Variants in SLC4A3 observed in about 807,000 individuals in gnomAD.
SLC4A3 encodes solute carrier family 4 member 3.
SLC4A3 carries 47 observed loss-of-function variants against 114.2 expected under a neutral mutation model. The observed-to-expected ratio is 0.41, with a 90% confidence interval of 0.33 to 0.52. The LOEUF (loss-of-function observed/expected upper bound fraction) is 0.52, where lower values mean the gene tolerates loss of function less well. Ranked by LOEUF, SLC4A3 falls within the 20% of genes least tolerant of loss-of-function variation. SLC4A3 has a pLI of 0.21. For synonymous variants in SLC4A3, 693 were observed against 710.3 expected (o/e 0.98, Z 0.39); for missense variants, 1,312 against 1,668.3 (o/e 0.79, Z 3.72).
Position 219,630,450 on chromosome 2 carries a change from C to A in SLC4A3, c.811+98C>A. On this transcript the variant is annotated intron_variant, in intron 6 of 22. Transcript: ENST00000358055. This position sits in a 1 kb window ranked among gnomAD's most constrained non-coding sequence, Gnocchi z 6.9. ...GCTCTGAGCTGTCCCCTGCTAAGGG[C>A]TGAGTCCTCTCTGAATCCCTGTCTG... 1.6e-6 allele frequency: 2 copies of A among 1,269,274 alleles called. No individual in the cohort carries two copies. The highest frequency in any genetic ancestry group is 2.1e-6 in the Non-Finnish European group (2 of 931,712). 78.6% of individuals were successfully genotyped at this position (1,269,274 alleles called of 1,614,324 possible).
Position 219,636,259 on chromosome 2 carries a change from TAGAC to T in SLC4A3, c.2192-39_2192-36del, listed in dbSNP as rs754821207. ...CAAGCTAGATGAAGAAGGGGGCAGA[TAGAC>T]AGAGCCAGGCTAGGGCCATCCTACC... is the stretch of plus-strand genomic sequence containing the variant. On this transcript the variant is annotated intron_variant, in intron 14 of 22. Transcript: ENST00000358055. This position sits in a 1 kb window ranked among gnomAD's most constrained non-coding sequence, Gnocchi z 5.5. 6.8e-6 allele frequency: 11 copies of T among 1,609,578 alleles called. No individual in the cohort carries two copies. The highest frequency in any genetic ancestry group is 4.4e-5 in the South Asian group (4 of 91,030).
In SLC4A3 at chr2:219,636,420, G is replaced by A. The variant is rs201422509; in HGVS notation, c.2310G>A (p.Pro770=). ...TGCTTGTGGTTGGCTTCTCTGGGCC[G>A]CTGCTTGTGTTTGAGGAAGCCTTCT... The part of the protein sequence containing the change: ...QPLLVVGFSG[P]LLVFEEAFFK... Residue 770 remains proline, a synonymous_variant, in exon 15 of 23, where the codon CCG becomes CCA. Transcript: ENST00000358055. The surrounding 1 kb of genome is among the most constrained non-coding windows in gnomAD (Gnocchi z 5.5). The A allele has an allele frequency of 4.7e-5, 76 of 1,611,750 alleles. No homozygotes were observed. The highest frequency in any genetic ancestry group is 5.9e-5 in the Non-Finnish European group (69 of 1,179,016).
At position 219,632,954 on chromosome 2, in the gene SLC4A3, C is replaced by G. The variant is rs1698980774; in HGVS notation, c.1222C>G (p.Gln408Glu). The change falls in exon 9 of 23, where the codon CAG becomes GAG. Residue 408 changes from glutamine (Q) to glutamate (E), a missense_variant. Physicochemically the swap from Gln to Glu is conservative, Grantham distance 29. This residue lies in a region of SLC4A3 where 771 missense variants were observed against 977.7 expected (regional missense o/e 0.79). Transcript: ENST00000358055. ...GGTGGAGACCATGATTGTGTCTGAC[C>G]AGATCCGGCCGGAGGACAGGGCCAG... ...LVVETMIVSD[Q>E]IRPEDRASVL... 1 of 1,613,960 alleles carries G rather than the reference C, an allele frequency of 6.2e-7. No homozygotes were observed. Among genetic ancestry groups the G allele is most frequent in the African/African-American group, 1.3e-5 (1 of 74,900 alleles).
Position 219,641,167 on chromosome 2 carries a change from T to A in SLC4A3, c.3621+205T>A, listed in dbSNP as rs1045191322. ...TTATAGGACTGTTGGGAGGGTCAAGTGCTAGTCCAGGTAAAGGCCTTAGGA... is the reference window on the plus strand; with the variant it reads ...TTATAGGACTGTTGGGAGGGTCAAGAGCTAGTCCAGGTAAAGGCCTTAGGA... On this transcript the variant is annotated intron_variant, in intron 22 of 22. Coordinates refer to ENST00000358055, the MANE Select transcript of SLC4A3 (RefSeq NM_005070.4). The surrounding 1 kb of genome is among the most constrained non-coding windows in gnomAD (Gnocchi z 4.0). Among the ~76,000 whole-genome samples, 4 of 152,146 alleles carry A rather than the reference T, an allele frequency of 2.6e-5. No homozygotes were observed. Among genetic ancestry groups the A allele is most frequent in the African/African-American group, 7.2e-5 (3 of 41,404 alleles).
chr2:219,632,268 G>C lies in SLC4A3; in HGVS notation c.967G>C (p.Val323Leu). 1 of 1,613,986 alleles carries C rather than the reference G, an allele frequency of 6.2e-7. No individual in the cohort carries two copies. Among genetic ancestry groups the C allele is most frequent in the Non-Finnish European group, 8.5e-7 (1 of 1,180,012 alleles). ...KLDRRPHEVF[V>L]ELNELMLDRS... ...CCTTTGGCACGCCCCCCAGGTGTTC[G>C]TGGAGCTGAACGAGCTGATGCTGGA... The change falls in exon 8 of 23, where the codon GTG (valine) becomes CTG (leucine). Residue 323 changes from valine (V) to leucine (L), a missense_variant. Transcript: ENST00000358055.
chr2:219,638,340 G>A lies in SLC4A3; in HGVS notation c.2856+87G>A. 9.0e-7 allele frequency: 1 copy of A among 1,106,968 alleles called. No homozygotes were observed. Among genetic ancestry groups the A allele is most frequent in the Non-Finnish European group, 1.3e-6 (1 of 747,078 alleles). 68.6% of individuals were successfully genotyped at this position (1,106,968 alleles called of 1,614,324 possible). On this transcript the variant is annotated intron_variant, in intron 18 of 22. Transcript: ENST00000358055. The surrounding 1 kb of genome is among the most constrained non-coding windows in gnomAD (Gnocchi z 7.5). The stretch of plus-strand genomic sequence containing the variant: ...ACACACTTCCATGGGCCCTGGGATT[G>A]GGATCAGGCCTGAACTCAACTTTCC...
chr2:219,633,917 G>A lies in SLC4A3; in HGVS notation c.1499G>A (p.Gly500Glu), dbSNP rs1379287130. ...LHMPGGDGHR[G>E]KSLKLLEKIP... The stretch of plus-strand genomic sequence containing the variant: ...ATGCCTGGGGGAGATGGTCACCGGG[G>A]GAAAAGCCTGAAGCTGCTGGAGAAG... Residue 500 changes from glycine (G) to glutamate (E), a missense_variant, in exon 11 of 23, where the codon GGG (glycine) becomes GAG (glutamate). By Grantham distance (98) the Gly-to-Glu change is moderately conservative (BLOSUM62 -2). Coordinates refer to ENST00000358055, the MANE Select transcript of SLC4A3 (RefSeq NM_005070.4). The A allele has an allele frequency of 1.9e-6, 3 of 1,561,754 alleles. No individual in the cohort carries two copies. Among genetic ancestry groups the A allele is most frequent in the South Asian group, 1.2e-5 (1 of 84,758 alleles).
rs1424074489 is a variant in SLC4A3, at chr2:219,637,894, C to T, written c.2766+83C>T. 3.4e-6 allele frequency: 4 copies of T among 1,159,440 alleles called. No individual in the cohort carries two copies. The highest frequency in any genetic ancestry group is 1.8e-5 in the Admixed American group (1 of 54,882). 71.8% of individuals were successfully genotyped at this position (1,159,440 alleles called of 1,614,324 possible). On this transcript the variant is annotated intron_variant, in intron 17 of 22. Coordinates refer to ENST00000358055, the MANE Select transcript of SLC4A3 (RefSeq NM_005070.4). The surrounding 1 kb of genome is among the most constrained non-coding windows in gnomAD (Gnocchi z 4.6). Reference sequence around the variant, plus strand: ...TCCCCAGAGAGGCTGCACCCCTTCCCCGGTCAGCCCATGGACCAAAACCCA... The same window carrying T: ...TCCCCAGAGAGGCTGCACCCCTTCCTCGGTCAGCCCATGGACCAAAACCCA...
rs1698812629 is a variant in SLC4A3 at position 219,628,776 on chromosome 2, A to C, written c.217+206A>C. On this transcript the variant is annotated intron_variant, in intron 3 of 22. Coordinates refer to ENST00000358055, the MANE Select transcript of SLC4A3 (RefSeq NM_005070.4). The surrounding 1 kb of genome is among the most constrained non-coding windows in gnomAD (Gnocchi z 4.8). ...CCGCCTGCCTGGGGAGGTGGGCCCCAGACCAGGGGAGATCTAGGGAGCTGG... is the reference window on the plus strand; with the variant it reads ...CCGCCTGCCTGGGGAGGTGGGCCCCCGACCAGGGGAGATCTAGGGAGCTGG... 1.6e-6 allele frequency: 1 copy of C among 632,534 alleles called. No individual in the cohort carries two copies. The highest frequency in any genetic ancestry group is 2.7e-6 in the Non-Finnish European group (1 of 372,040). 39.2% of individuals were successfully genotyped at this position (632,534 alleles called of 1,614,324 possible).
Position 219,638,140 on chromosome 2 carries a change from C to A in SLC4A3, c.2767-24C>A. On this transcript the variant is annotated intron_variant, in intron 17 of 22. Transcript: ENST00000358055. The surrounding 1 kb of genome is among the most constrained non-coding windows in gnomAD (Gnocchi z 7.5). ...TGACCTTGCCTCCACCTTTTGCTCC[C>A]TTCCCCAACTGGCCCCTCTCAAGGC... 2 of 1,589,744 alleles carry A rather than the reference C, an allele frequency of 1.3e-6. No homozygotes were observed. The highest frequency in any genetic ancestry group is 2.3e-5 in the East Asian group (1 of 44,200).
chr2:219,638,773 G>T lies in SLC4A3; in HGVS notation c.2927G>T (p.Gly976Val). ...CGCTCGTGGTTCATCCCACCCCTGGGCAGTGCCCGTCCTTTCCCGCCGTGG... is the reference window on the plus strand; with the variant it reads ...CGCTCGTGGTTCATCCCACCCCTGGTCAGTGCCCGTCCTTTCCCGCCGTGG... ...DKRSWFIPPL[G>V]SARPFPPWMM... The change falls in exon 19 of 23, where the codon GGC (glycine) becomes GTC (valine). Residue 976 changes from glycine (G) to valine (V), a missense_variant. Transcript: ENST00000358055. The surrounding 1 kb of genome is among the most constrained non-coding windows in gnomAD (Gnocchi z 7.5). The T allele has an allele frequency of 6.2e-7, 1 of 1,614,150 alleles. No homozygotes were observed. Among genetic ancestry groups the T allele is most frequent in the South Asian group, 1.1e-5 (1 of 91,088 alleles).
In SLC4A3 at chr2:219,638,305, G is replaced by A. The variant is rs1043213744; in HGVS notation, c.2856+52G>A. 1 of 1,389,626 alleles carries A rather than the reference G, an allele frequency of 7.2e-7. No homozygotes were observed. The highest frequency in any genetic ancestry group is 1.4e-5 in the African/African-American group (1 of 70,260). The allele number at this position is 1,389,626 out of a possible 1,614,324, so 86.1% of individuals were successfully genotyped here. A position where few individuals can be genotyped will look rare whatever the true frequency, so the allele number is the denominator to read the frequency against. ...TGCTGTCACCCCCAGGCCAGGAGAG[G>A]GAGCCCACAACACACTTCCATGGGC... On this transcript the variant is annotated intron_variant, in intron 18 of 22. Coordinates refer to ENST00000358055, the MANE Select transcript of SLC4A3 (RefSeq NM_005070.4). This position sits in a 1 kb window ranked among gnomAD's most constrained non-coding sequence, Gnocchi z 7.5.
At position 219,634,287 on chromosome 2, in the gene SLC4A3, C is replaced by T. The variant is rs889653214; in HGVS notation, c.1562-133C>T. 5.3e-5 allele frequency: 44 copies of T among 834,088 alleles called. No homozygotes were observed. In the Admixed American group the frequency reaches 1.0e-3, roughly 20 times the overall value. 51.7% of individuals were successfully genotyped at this position (834,088 alleles called of 1,614,324 possible). A position where few individuals can be genotyped will look rare whatever the true frequency, so the allele number is the denominator to read the frequency against. ...TGTGTAGACACATAAGCGAATAGTG[C>T]CCTTTTAGACTGGGGTTTCTTTGCG... On this transcript the variant is annotated intron_variant, in intron 11 of 22. Transcript: ENST00000358055.
rs567907725 is a variant in SLC4A3, at chr2:219,632,518, C to T, written c.1141+76C>T. The T allele has an allele frequency of 3.5e-6, 5 of 1,434,688 alleles. No individual in the cohort carries two copies. In the African/African-American group the frequency reaches 7.1e-5, roughly 20 times the overall value. 88.9% of individuals were successfully genotyped at this position (1,434,688 alleles called of 1,614,324 possible). On this transcript the variant is annotated intron_variant, in intron 8 of 22. Transcript: ENST00000358055. ...CCAGGCTGCTCAGTTCCCAGGAACACTCTCTAGAGTCCTGGGCACAGGCAA... is the reference window on the plus strand; with the variant it reads ...CCAGGCTGCTCAGTTCCCAGGAACATTCTCTAGAGTCCTGGGCACAGGCAA...
At chr2:219,633,219 A>G in intron 9 of SLC4A3, 55 bp from the exon 10 acceptor site, 1 of 1,492,296 alleles carries the variant, frequency 6.7e-7, no homozygotes, top group South Asian at 1.3e-5. Context: ...TCACCTCATG[A>G]CCTCAGTCTA....
intron 20 of SLC4A3, among the ~76,000 whole-genome samples, chr2:219,640,184 C>G (rs1257935901): frequency 6.6e-6 from 1 of 152,038 alleles, no homozygotes; most frequent in Non-Finnish European, 1.5e-5. Flanking sequence ...CCACCTCGGC[C>G]TCCCAAAGTG....
In SLC4A3 at chr2:219,629,322, T is replaced by C; in HGVS notation, c.396T>C (p.Ala132=). 1 of 1,612,136 alleles carries C rather than the reference T, an allele frequency of 6.2e-7. No homozygotes were observed. The highest frequency in any genetic ancestry group is 8.5e-7 in the Non-Finnish European group (1 of 1,179,174). The change falls in exon 4 of 23, where the codon GCT becomes GCC. Residue 132 remains alanine, a synonymous_variant. Coordinates refer to ENST00000358055, the MANE Select transcript of SLC4A3 (RefSeq NM_005070.4). ...GTPPIQEEGG[A]GVDEEEEEEE... ...CTCCCATCCAGGAGGAGGGGGGAGC[T>C]GGAGTGGATGAGGAAGAGGAGGAAG...
In SLC4A3 at chr2:219,637,962, T is replaced by A. The variant is rs1438358218; in HGVS notation, c.2766+151T>A. 1 of 722,468 alleles carries A rather than the reference T, an allele frequency of 1.4e-6. No homozygotes were observed. Among genetic ancestry groups the A allele is most frequent in the Non-Finnish European group, 2.4e-6 (1 of 419,156 alleles). 44.8% of individuals were successfully genotyped at this position (722,468 alleles called of 1,614,324 possible). A position where few individuals can be genotyped will look rare whatever the true frequency, so the allele number is the denominator to read the frequency against. ...CCCCTTCGGAAGCCTCTTCCCTGGGTGTCTTCTTGCCCTTTGCTCAGAGAA... is the reference window on the plus strand; with the variant it reads ...CCCCTTCGGAAGCCTCTTCCCTGGGAGTCTTCTTGCCCTTTGCTCAGAGAA... On this transcript the variant is annotated intron_variant, in intron 17 of 22. Transcript: ENST00000358055. The surrounding 1 kb of genome is among the most constrained non-coding windows in gnomAD (Gnocchi z 4.6).
chr2:219,640,372 C>T (rs1266490494), intron 20 of SLC4A3, 58 bp from the exon 21 acceptor site: 2 of 1,562,524 alleles, frequency 1.3e-6, no homozygotes, highest in Non-Finnish European at 1.7e-6. Flanking sequence ...TCTTCCAGGC[C>T]TGTCCATCCT....
Sources: gnomAD v4.1 joint callset for allele counts (sites outside exome capture counted in the v4.1 genomes callset) on GRCh38, gnomAD v4.1.1 for gene constraint, gnomAD v4.1.1 regional missense constraint, Gnocchi (gnomAD v3.1) non-coding constraint, MANE v1.5 for transcripts, NCBI Gene and HGNC (gene_info 2026-07-23, HGNC 2026-07-21) for gene names.